The following ERC2 variants were observed in gnomAD, a reference collection of about 807,000 sequenced individuals.
ERC2 encodes the protein ERC protein 2.
A neutral mutation model predicts 114.8 loss-of-function variants in ERC2; 42 were observed. That is an observed-to-expected ratio of 0.37 (90% CI 0.29 to 0.47). The LOEUF is 0.47. ERC2 is among the 20% of genes least tolerant of loss of function. The pLI, the probability that ERC2 is intolerant of heterozygous loss-of-function variation, is 0.99. For missense variants in ERC2, 939 were observed against 1,150.7 expected (o/e 0.82, Z 2.66); for synonymous variants, 454 against 425.5 (o/e 1.07, Z -0.82).
chr3:56,205,446 T>C (rs976321135), intron 3 of ERC2, among the ~76,000 whole-genome samples: 1 of 152,174 alleles, frequency 6.6e-6, no homozygotes, highest in Non-Finnish European at 1.5e-5. Context: ...TACTCTAGCA[T>C]CTGATTAATG....
chr3:56,138,213 C>A (rs1474395972), intron 6 of ERC2, among the ~76,000 whole-genome samples: 1 of 152,000 alleles, frequency 6.6e-6, no homozygotes, highest in African/African-American at 2.4e-5. Context: ...GCACCCGCCA[C>A]CACGCCCAGC....
At chr3:56,420,729 C>CAAA (rs758867501) in intron 2 of ERC2, among the ~76,000 whole-genome samples, 1 of 122,554 alleles carries the variant, frequency 8.2e-6, no homozygotes, top group Non-Finnish European at 1.8e-5. Context: ...ACTAAAAATA[C>CAAA]AAAAAAAAAA....
rs559539565 is a variant in ERC2, at chr3:55,697,456, C to A, written c.2847+1922G>T. ...AATGCTAACTCTTCTGGGAAGGACA[C>A]CACCCTATGACAAACTCTAGTGTCA... On this transcript the variant is annotated intron_variant, in intron 16 of 17. Coordinates refer to ENST00000288221, the MANE Select transcript of ERC2 (RefSeq NM_015576.3). Among the ~76,000 whole-genome samples, 12 of 152,302 alleles carry A rather than the reference C, an allele frequency of 7.9e-5. No individual in the cohort carries two copies. The South Asian group carries it at 2.5e-3, about 32-fold the overall frequency.
At chr3:56,141,345 T>C (rs1377034461) in intron 5 of ERC2, among the ~76,000 whole-genome samples, 1 of 152,162 alleles carries the variant, frequency 6.6e-6, no homozygotes, top group Non-Finnish European at 1.5e-5. Flanking sequence ...AGTATACCTG[T>C]TATAGCCCTA....
intron 14 of ERC2, among the ~76,000 whole-genome samples, chr3:55,833,010 G>A (rs1024970310): frequency 1.5e-4 from 22 of 151,312 alleles, no homozygotes; most frequent in Non-Finnish European, 2.9e-4. Flanking sequence ...GGGTATCAGT[G>A]ATGGAAGATG....
intron 2 of ERC2, among the ~76,000 whole-genome samples, chr3:56,427,037 G>T (rs1351782205): frequency 6.6e-6 from 1 of 151,002 alleles, no homozygotes; most frequent in Non-Finnish European, 1.5e-5. Context: ...TGGATGTGGT[G>T]GTGTGGTCCC....
intron 12 of ERC2, among the ~76,000 whole-genome samples, chr3:55,980,601 AT>A (rs1005066838): frequency 6.6e-6 from 1 of 152,186 alleles, no homozygotes; most frequent in African/African-American, 2.4e-5. Context: ...CTAAGAAACT[AT>A]TTTTTTAAAT....
intron 2 of ERC2, among the ~76,000 whole-genome samples, chr3:56,411,002 G>A (rs1445393382): frequency 6.9e-6 from 1 of 145,140 alleles, no homozygotes; most frequent in Admixed American, 7.0e-5. Context: ...AATCATTCCT[G>A]TTGAATCAAG....
At chr3:55,713,277 C>T (rs1437908037) in intron 15 of ERC2, among the ~76,000 whole-genome samples, 1 of 151,984 alleles carries the variant, frequency 6.6e-6, no homozygotes, top group Non-Finnish European at 1.5e-5. Flanking sequence ...ATGGGGCAGT[C>T]TTGGCTCACT....
chr3:55,782,474 C>G (rs770061177), intron 14 of ERC2, among the ~76,000 whole-genome samples: 28 of 152,310 alleles, frequency 1.8e-4, no homozygotes, highest in South Asian at 8.3e-4. Flanking sequence ...CTCCATTTCA[C>G]AGGGCAGGCT....
intron 2 of ERC2, among the ~76,000 whole-genome samples, chr3:56,348,019 T>C (rs555146102): frequency 6.6e-6 from 1 of 152,346 alleles, no homozygotes; most frequent in Non-Finnish European, 1.5e-5. Context: ...TTGAACACTA[T>C]GGAGTGGACA....
intron 2 of ERC2, among the ~76,000 whole-genome samples, chr3:56,424,274 T>A (rs4974140): frequency 0.81 from 120,608 of 149,246 alleles, 48,287 homozygotes; most frequent in East Asian, 0.94. Flanking sequence ...AATACCCTGA[T>A]TTTTTTTTTT....
At chr3:56,119,150 T>C (rs2079430315) in intron 6 of ERC2, among the ~76,000 whole-genome samples, 1 of 152,246 alleles carries the variant, frequency 6.6e-6, no homozygotes, top group African/African-American at 2.4e-5. Context: ...GGATATGTCC[T>C]GCAGGCCATA....
chr3:56,409,911 T>A (rs1432476889), intron 2 of ERC2, among the ~76,000 whole-genome samples: 2 of 152,240 alleles, frequency 1.3e-5, no homozygotes, highest in Non-Finnish European at 2.9e-5. Context: ...TAGAAAGTGC[T>A]GAGGCAAGAA....
chr3:55,914,019 AT>A (rs5849115), intron 13 of ERC2, among the ~76,000 whole-genome samples: 90,202 of 150,804 alleles, frequency 0.6, 27,251 homozygotes, highest in East Asian at 0.83. Flanking sequence ...CTTTATGACA[AT>A]TTTTTTTTTT....
At chr3:55,579,594 A>G (rs779448521) in intron 17 of ERC2, among the ~76,000 whole-genome samples, 1 of 152,260 alleles carries the variant, frequency 6.6e-6, no homozygotes, top group African/African-American at 2.4e-5. Context: ...GAAGGATAAG[A>G]ACTACCTGTC....
chr3:55,854,418 A>G (rs920685841), intron 14 of ERC2, among the ~76,000 whole-genome samples: 11 of 152,116 alleles, frequency 7.2e-5, no homozygotes, highest in African/African-American at 2.7e-4. Context: ...TTGGTTTGAC[A>G]ATAAATTCCT....
chr3:56,436,130 T>C (rs1480154313), intron 1 of ERC2, among the ~76,000 whole-genome samples: 2 of 152,186 alleles, frequency 1.3e-5, no homozygotes, highest in East Asian at 1.9e-4. Flanking sequence ...TCTTAGAAAG[T>C]CTTTACTGTA....
intron 3 of ERC2, among the ~76,000 whole-genome samples, chr3:56,274,201 T>C (rs964433640): frequency 3.3e-5 from 5 of 152,196 alleles, no homozygotes; most frequent in Non-Finnish European, 7.3e-5. Flanking sequence ...CTGAACCTTA[T>C]TGTGAACTGC....
Sources: allele counts gnomAD v4.1 joint callset (sites outside exome capture counted in the v4.1 genomes callset), GRCh38; gene constraint gnomAD v4.1.1; transcripts MANE v1.5; gene names NCBI Gene and HGNC (gene_info 2026-07-23, HGNC 2026-07-21).